The following AHCTF1 variants were observed in gnomAD, a reference collection of about 807,000 sequenced individuals.
AHCTF1 encodes protein ELYS.
In AHCTF1, 24 loss-of-function variants were observed where a neutral mutation model predicts 248.4. That is an observed-to-expected ratio of 0.10 (90% CI 0.07 to 0.14). The LOEUF (loss-of-function observed/expected upper bound fraction) is 0.14, where lower values mean the gene tolerates loss of function less well. Among genes scored for constraint, AHCTF1 ranks in the 10% least tolerant of loss-of-function variants. The pLI is 1.00. For missense variants in AHCTF1, 2,206 were observed against 2,636.2 expected, an observed-to-expected ratio of 0.84 and a Z score of 3.57; for synonymous variants, 786 against 929.8, an observed-to-expected ratio of 0.85 and a Z score of 2.81.
chr1:246,857,571 C>T (rs1446049012), intron 30 of AHCTF1, 120 bp downstream of exon 30: 1 of 1,091,008 alleles, frequency 9.2e-7, no homozygotes, highest in Non-Finnish European at 1.3e-6. Context: ...GCCAACATTA[C>T]CAAAATGGAG....
intron 14 of AHCTF1, among the ~76,000 whole-genome samples, chr1:246,892,906 A>G (rs929127946): frequency 6.6e-6 from 1 of 152,038 alleles, no homozygotes; most frequent in African/African-American, 2.4e-5. Context: ...TCAGCCTCCT[A>G]AAGTACTGGG....
chr1:246,894,511 A>G lies in AHCTF1; in HGVS notation c.1804+148T>C, dbSNP rs1664429658. On this transcript the variant is annotated intron_variant, in intron 14 of 35. Transcript: ENST00000648844. Reference sequence around the variant, plus strand: ...TGAGCCAAGATCGCGCCACTGCACTATAGCCTGGCGACAGAGCAAGACTCA... The same window carrying G: ...TGAGCCAAGATCGCGCCACTGCACTGTAGCCTGGCGACAGAGCAAGACTCA... 4.6e-6 allele frequency: 3 copies of G among 651,330 alleles called. 1 individual carries two copies. Among genetic ancestry groups the G allele is most frequent in the Admixed American group, 3.0e-5 (1 of 33,576 alleles). The allele number at this position is 651,330 out of a possible 1,614,324, so 40.3% of individuals were successfully genotyped here.
At chr1:246,868,858 T>G (rs527428514) in intron 24 of AHCTF1, among the ~76,000 whole-genome samples, 2 of 150,356 alleles carry the variant, frequency 1.3e-5, no homozygotes, top group African/African-American at 4.9e-5. Flanking sequence ...TTTTTTTTTT[T>G]TTTTGAGATG....
Position 246,867,321 on chromosome 1 carries a change from C to A in AHCTF1, c.3270G>T (p.Val1090=), listed in dbSNP as rs1462762085. Residue 1090 remains valine (V), a synonymous_variant, in exon 26 of 36, where the codon GTG becomes GTT. Transcript: ENST00000648844. ...GCAGCTCTGGAGCTGGGAGCGAATA[C>A]ACTATAGGAGATGGTTCTTCTATTT... ...SSKIEEPSPI[V]YSLPAPELPE... 6.3e-7 allele frequency: 1 copy of A among 1,599,680 alleles called. No homozygotes were observed. Among genetic ancestry groups the A allele is most frequent in the Non-Finnish European group, 8.5e-7 (1 of 1,174,068 alleles).
chr1:246,862,145 T>C lies in AHCTF1; in HGVS notation c.3549A>G (p.Lys1183=). The change falls in exon 28 of 36, where the codon AAA becomes AAG. Residue 1183 remains lysine (K), a synonymous_variant. Coordinates refer to ENST00000648844, the MANE Select transcript of AHCTF1 (RefSeq NM_001323342.2). ...AAGTAGTAACTGACATGGCCAAACT[T>C]TTAGCTTTCTATAGTAAAGAGCAAA... ...LETPLVVKKA[K]SLAMSVTTSG... The C allele has an allele frequency of 1.2e-6, 2 of 1,607,262 alleles. No individual in the cohort carries two copies. Among genetic ancestry groups the C allele is most frequent in the Non-Finnish European group, 1.7e-6 (2 of 1,177,858 alleles).
intron 26 of AHCTF1, among the ~76,000 whole-genome samples, chr1:246,864,679 C>CA (rs1188015657): frequency 4.8e-4 from 11 of 22,950 alleles, no homozygotes; most frequent in South Asian, 1.7e-3. Flanking sequence ...ACTAAAAATA[C>CA]AAAAAAAAAA....
At chr1:246,930,108 C>A (rs6426188) in intron 1 of AHCTF1, among the ~76,000 whole-genome samples, 89,967 of 151,126 alleles carry the variant, frequency 0.6, 28,922 homozygotes, top group African/African-American at 0.85. Flanking sequence ...AAAAAGAAAA[C>A]AAAAGTCTCA....
chr1:246,843,482 A>C (rs1660021370), intron 34 of AHCTF1, among the ~76,000 whole-genome samples: 1 of 152,186 alleles, frequency 6.6e-6, no homozygotes, highest in Non-Finnish European at 1.5e-5. Context: ...TTCTTTAAAA[A>C]ACACCCAGGT....
At chr1:246,919,491 A>ATC (rs1480865595) in intron 1 of AHCTF1, among the ~76,000 whole-genome samples, 1 of 151,682 alleles carries the variant, frequency 6.6e-6, no homozygotes, top group East Asian at 1.9e-4. Context: ...AGGCAGGCGG[A>ATC]TCACAAGGTT....
intron 35 of AHCTF1, among the ~76,000 whole-genome samples, chr1:246,841,944 A>AC (rs1659897166): frequency 7.1e-6 from 1 of 140,618 alleles, no homozygotes; most frequent in East Asian, 2.0e-4. Context: ...ACCCACCACC[A>AC]CGCCCAGCTA....
At chr1:246,917,145 C>G (rs1469944032) in intron 2 of AHCTF1, among the ~76,000 whole-genome samples, 1 of 152,204 alleles carries the variant, frequency 6.6e-6, no homozygotes, top group African/African-American at 2.4e-5. Context: ...CAAGGAGAAG[C>G]ACAGAGTAGC....
chr1:246,869,049 T>G (rs894135938), intron 24 of AHCTF1, among the ~76,000 whole-genome samples: 3 of 151,626 alleles, frequency 2.0e-5, no homozygotes, highest in Admixed American at 6.6e-5. Flanking sequence ...TTTCACCATG[T>G]TGGCCAGGAT....
chr1:246,852,323 G>T (rs1231238379), intron 32 of AHCTF1, among the ~76,000 whole-genome samples: 2 of 152,044 alleles, frequency 1.3e-5, no homozygotes, highest in African/African-American at 4.8e-5. Flanking sequence ...ACATTTTTAT[G>T]AGTTAAGAAA....
rs1429848516 is a variant in AHCTF1 at position 246,898,339 on chromosome 1, G to A, written c.1495-3C>T. 5 of 1,609,850 alleles carry A rather than the reference G, an allele frequency of 3.1e-6. No homozygotes were observed. Among genetic ancestry groups the A allele is most frequent in the Non-Finnish European group, 4.2e-6 (5 of 1,178,220 alleles). ...GATTTCTTTAAAAAAGTCAAAGTCT[G>A]TAACAGATAAATTAGTAAGGCATCA... On this transcript the variant is annotated splice_polypyrimidine_tract_variant and splice_region_variant and intron_variant, in intron 11 of 35. Coordinates refer to ENST00000648844, the MANE Select transcript of AHCTF1 (RefSeq NM_001323342.2).
Position 246,839,978 on chromosome 1 carries a change from C to T in AHCTF1, c.*828G>A, listed in dbSNP as rs1659739604. On this transcript the variant is annotated 3_prime_UTR_variant, in exon 36 of 36. Coordinates refer to ENST00000648844, the MANE Select transcript of AHCTF1 (RefSeq NM_001323342.2). ...GGGATTTCTGTGGTTCAATAGCAAG[C>T]TCCTTCACAGCAATATTATAAAAAT... 6.6e-6 allele frequency: 1 copy of T among 152,490 alleles called. No homozygotes were observed. The highest frequency in any genetic ancestry group is 2.4e-5 in the African/African-American group (1 of 41,442). 9.4% of individuals were successfully genotyped at this position (152,490 alleles called of 1,614,324 possible). A position where few individuals can be genotyped will look rare whatever the true frequency, so the allele number is the denominator to read the frequency against.
rs776234961 is a variant in AHCTF1 at position 246,850,336 on chromosome 1, A to G, written c.5670T>C (p.Asp1890=). The part of the protein sequence containing the change: ...ENQESVEIIN[D]LKVSTVTSPS... The stretch of plus-strand genomic sequence containing the variant: ...GACTTGTTACCGTACTAACTTTTAG[A>G]TCATTTATAATTTCAACACTTTCCT... The change falls in exon 33 of 36, where the codon GAT becomes GAC. Residue 1890 remains aspartate (D), a synonymous_variant. Coordinates refer to ENST00000648844, the MANE Select transcript of AHCTF1 (RefSeq NM_001323342.2). 6.2e-7 allele frequency: 1 copy of G among 1,613,670 alleles called. No individual in the cohort carries two copies. Among genetic ancestry groups the G allele is most frequent in the Non-Finnish European group, 8.5e-7 (1 of 1,179,804 alleles).
intron 20 of AHCTF1, 140 bp from the exon 21 acceptor site, chr1:246,885,820 G>T: frequency 1.3e-6 from 1 of 776,356 alleles, no homozygotes; most frequent in East Asian, 2.7e-5. Flanking sequence ...TTTAATCTGT[G>T]CTATATAGAG....
At chr1:246,914,444 T>C (rs1666008984) in intron 3 of AHCTF1, among the ~76,000 whole-genome samples, 1 of 152,234 alleles carries the variant, frequency 6.6e-6, no homozygotes, top group African/African-American at 2.4e-5. Flanking sequence ...AGCCTGGCTC[T>C]TTCTCTATAT....
intron 4 of AHCTF1, among the ~76,000 whole-genome samples, chr1:246,912,049 T>C (rs1429664652): frequency 6.6e-6 from 1 of 152,122 alleles, no homozygotes; most frequent in Non-Finnish European, 1.5e-5. Context: ...GCAGTTTTAA[T>C]CGGTTTTTTT....
Sources: allele counts gnomAD v4.1 joint callset (sites outside exome capture counted in the v4.1 genomes callset), GRCh38; gene constraint gnomAD v4.1.1; transcripts MANE v1.5; gene names NCBI Gene and HGNC (gene_info 2026-07-23, HGNC 2026-07-21).